CRACR2A: variants seen among roughly 807,000 people sequenced by gnomAD.
CRACR2A encodes EF-hand calcium-binding domain-containing protein 4B.
In CRACR2A, 79 loss-of-function variants were observed where a neutral mutation model predicts 90.5. The observed-to-expected ratio is 0.87, with a 90% confidence interval of 0.73 to 1.05. The LOEUF is 1.05. Among genes scored for constraint, CRACR2A ranks in the 50% least tolerant of loss-of-function variants. The pLI is 0.00. For missense variants in CRACR2A, 823 were observed against 897.2 expected (o/e 0.92, Z 1.06); for synonymous variants, 338 against 356.7 (o/e 0.95, Z 0.59).
chr12:3,638,103 C>A (rs762797657), intron 14 of CRACR2A, 21 bp downstream of exon 14: 18 of 1,519,722 alleles, frequency 1.2e-5, no homozygotes, highest in Non-Finnish European at 1.6e-5. Context: ...GTGCATGAAC[C>A]AAGGTAGGCT....
At chr12:3,724,724 C>T (rs1476708778) in intron 2 of CRACR2A, among the ~76,000 whole-genome samples, 3 of 152,164 alleles carry the variant, frequency 2.0e-5, no homozygotes, top group African/African-American at 7.2e-5. Flanking sequence ...ATTCATAAAG[C>T]CACCATCGTA....
At chr12:3,659,852 C>G (rs143266443) in intron 7 of CRACR2A, among the ~76,000 whole-genome samples, 198 bp from the exon 8 acceptor site, 2 of 152,298 alleles carry the variant, frequency 1.3e-5, no homozygotes, top group African/African-American at 4.8e-5. Flanking sequence ...AGAGGCCTTG[C>G]GAGACCTGCC....
intron 18 of CRACR2A, 113 bp from the exon 19 acceptor site, chr12:3,617,143 C>A: frequency 2.7e-6 from 2 of 745,618 alleles, no homozygotes; most frequent in Admixed American, 4.3e-5. Context: ...CCTCTCGCAG[C>A]CCCTTGACCT....
rs1181811260 is a variant in CRACR2A, at chr12:3,628,165, CTCTT to C, written c.1736-463_1736-460del. Reference sequence around the variant, plus strand: ...TCCTCCCTCCCTCTCCCCCAACTCTCTCTTTCTTTCTCTCTTTCTTTCTCTCTCT... The same window carrying C: ...TCCTCCCTCCCTCTCCCCCAACTCTCTCTTTCTCTCTTTCTTTCTCTCTCT... On this transcript the variant is annotated intron_variant, in intron 15 of 19. Transcript: ENST00000440314. Among the ~76,000 whole-genome samples, 254 of 145,570 alleles carry C rather than the reference CTCTT, an allele frequency of 1.7e-3. 1 individual carries two copies. The Middle Eastern group carries it at 0.027, about 16-fold the overall frequency.
intron 11 of CRACR2A, 39 bp from the exon 12 acceptor site, chr12:3,644,679 T>C (rs1944654092): frequency 6.5e-7 from 1 of 1,549,182 alleles, no homozygotes; most frequent in Non-Finnish European, 8.7e-7. Flanking sequence ...AACATGGAGT[T>C]TGCAGTTGAC....
At chr12:3,669,448 C>G (rs1161068228) in intron 7 of CRACR2A, among the ~76,000 whole-genome samples, 1 of 152,226 alleles carries the variant, frequency 6.6e-6, no homozygotes, top group Non-Finnish European at 1.5e-5. Context: ...GCTGAAGGGA[C>G]TTGCTGAGTG....
At chr12:3,715,611 G>A (rs1700155002) in intron 2 of CRACR2A, among the ~76,000 whole-genome samples, 1 of 152,232 alleles carries the variant, frequency 6.6e-6, no homozygotes, top group Non-Finnish European at 1.5e-5. Flanking sequence ...AGAGGTCACT[G>A]AAGGCCAGGA....
chr12:3,656,523 G>A, intron 8 of CRACR2A, 117 bp from the exon 9 acceptor site: 1 of 869,232 alleles, frequency 1.2e-6, no homozygotes, highest in Non-Finnish European at 1.9e-6. Flanking sequence ...TAGACCATGG[G>A]GCTTTTCCCA....
chr12:3,688,676 T>C (rs1945605838), intron 4 of CRACR2A, among the ~76,000 whole-genome samples: 1 of 152,196 alleles, frequency 6.6e-6, no homozygotes, highest in South Asian at 2.1e-4. Context: ...ATTTGAGCTC[T>C]TTTGGTTCCA....
chr12:3,747,046 T>G (rs1946637523), intron 1 of CRACR2A, among the ~76,000 whole-genome samples: 3 of 152,364 alleles, frequency 2.0e-5, no homozygotes, highest in African/African-American at 7.2e-5. Flanking sequence ...GTTTAGAGGC[T>G]AATCCCAAAG....
intron 4 of CRACR2A, among the ~76,000 whole-genome samples, chr12:3,681,227 C>T (rs930215534): frequency 5.3e-5 from 8 of 152,220 alleles, no homozygotes; most frequent in Non-Finnish European, 1.2e-4. Flanking sequence ...GCCCCGAGTC[C>T]AGGTTCCACT....
chr12:3,672,041 T>G (rs1945253277), intron 7 of CRACR2A, among the ~76,000 whole-genome samples: 1 of 152,198 alleles, frequency 6.6e-6, no homozygotes, highest in African/African-American at 2.4e-5. Flanking sequence ...TCTCTGAGCT[T>G]TGGGAGCCTC....
At position 3,673,478 on chromosome 12, in the gene CRACR2A, C is replaced by T; in HGVS notation, c.639G>A (p.Glu213=). The T allele has an allele frequency of 1.9e-6, 3 of 1,614,128 alleles. No individual in the cohort carries two copies. Among genetic ancestry groups the T allele is most frequent in the Non-Finnish European group, 2.5e-6 (3 of 1,180,024 alleles). The part of the protein sequence containing the change: ...RIISQLQEAH[E]EKNELECALK... ...GGGCACACTCCAGTTCATTCTTCTC[C>T]TCATGGGCTTCTTGGAGCTGGGAGA... is the stretch of plus-strand genomic sequence containing the variant. The change falls in exon 7 of 20, where the codon GAG becomes GAA. Residue 213 remains glutamate (E), a synonymous_variant. Transcript: ENST00000440314.
intron 6 of CRACR2A, 101 bp downstream of exon 6, chr12:3,678,814 G>C: frequency 7.5e-7 from 1 of 1,334,070 alleles, no homozygotes; most frequent in Admixed American, 2.3e-5. Flanking sequence ...CCAGTGCAGG[G>C]ACCAGCACCA....
chr12:3,712,659 A>G (rs1303419835), intron 3 of CRACR2A, among the ~76,000 whole-genome samples: 2 of 152,206 alleles, frequency 1.3e-5, no homozygotes, highest in East Asian at 3.8e-4. Flanking sequence ...AGGGATTACA[A>G]TTCAACATGA....
At chr12:3,697,066 G>T in intron 3 of CRACR2A, 31 bp from the exon 4 acceptor site, 1 of 1,531,682 alleles carries the variant, frequency 6.5e-7, no homozygotes, top group Non-Finnish European at 8.8e-7. Flanking sequence ...AGAGAAGTGG[G>T]TGTGGTGGGT....
Position 3,633,653 on chromosome 12 carries a change from C to T in CRACR2A, c.1686G>A (p.Leu562=). 1 of 1,551,736 alleles carries T rather than the reference C, an allele frequency of 6.4e-7. No homozygotes were observed. Among genetic ancestry groups the T allele is most frequent in the Non-Finnish European group, 8.7e-7 (1 of 1,147,008 alleles). Residue 562 remains leucine, a synonymous_variant, in exon 15 of 20, where the codon CTG becomes CTA. Coordinates refer to ENST00000440314, the MANE Select transcript of CRACR2A (RefSeq NM_001144958.2). This position sits in a 1 kb window ranked among gnomAD's most constrained non-coding sequence, Gnocchi z 4.5. Reference sequence around the variant, plus strand: ...AGAACCGGTCCTCACAGAATCTCCTCAGGAAGGATGTCTTCCCCACCGCGG... The same window carrying T: ...AGAACCGGTCCTCACAGAATCTCCTTAGGAAGGATGTCTTCCCCACCGCGG... The part of the protein sequence containing the change: ...GNSAVGKTSF[L]RRFCEDRFSP...
chr12:3,615,514 C>G (rs764610600), intron 19 of CRACR2A, 75 bp from the exon 20 acceptor site: 36 of 1,288,128 alleles, frequency 2.8e-5, no homozygotes, highest in African/African-American at 5.9e-5. Flanking sequence ...GGACAAGCTA[C>G]CCTCAGGTTA....
intron 3 of CRACR2A, among the ~76,000 whole-genome samples, chr12:3,705,063 T>C (rs114986999): frequency 6.6e-6 from 1 of 152,334 alleles, no homozygotes; most frequent in African/African-American, 2.4e-5. Flanking sequence ...GGGCTAGACA[T>C]AGCTTTTTGT....
Sources: gnomAD v4.1 joint callset for allele counts (sites outside exome capture counted in the v4.1 genomes callset) on GRCh38, gnomAD v4.1.1 for gene constraint, Gnocchi (gnomAD v3.1) non-coding constraint, MANE v1.5 for transcripts, NCBI Gene and HGNC (gene_info 2026-07-23, HGNC 2026-07-21) for gene names.